The following EBF1 variants were observed in gnomAD, a reference collection of about 807,000 sequenced individuals.
The protein encoded by EBF1 is EBF transcription factor 1.
In EBF1, 10 loss-of-function variants were observed where a neutral mutation model predicts 68.4. The observed-to-expected ratio is 0.15, with a 90% CI of 0.09 to 0.25. The LOEUF is 0.25. Among genes scored for constraint, EBF1 ranks in the 10% least tolerant of loss-of-function variants. The pLI is 1.00. For synonymous variants in EBF1, 298 were observed against 299.8 expected, an observed-to-expected ratio of 0.99 and a Z score of 0.06; for missense variants, 509 against 794.4, an observed-to-expected ratio of 0.64 and a Z score of 4.32.
At chr5:158,920,699 C>T (rs1808225752) in intron 6 of EBF1, among the ~76,000 whole-genome samples, 1 of 152,198 alleles carries the variant, frequency 6.6e-6, no homozygotes, top group Non-Finnish European at 1.5e-5. Flanking sequence ...CCTTCTCAGC[C>T]TCCCAAGTAG....
At chr5:158,879,351 A>C (rs1167378554) in intron 6 of EBF1, among the ~76,000 whole-genome samples, 1 of 152,190 alleles carries the variant, frequency 6.6e-6, no homozygotes, top group Non-Finnish European at 1.5e-5. Flanking sequence ...ATGCGTCAAG[A>C]TGGGTTTGGC....
At chr5:159,084,840 C>T (rs1780360844) in intron 4 of EBF1, 101 bp from the exon 5 acceptor site, 1 of 985,004 alleles carries the variant, frequency 1.0e-6, no homozygotes, top group South Asian at 2.2e-5. Context: ...CTACTGAAGG[C>T]CAAATTAGCT....
intron 6 of EBF1, among the ~76,000 whole-genome samples, chr5:158,952,407 C>A (rs764306517): frequency 4.6e-5 from 7 of 152,064 alleles, no homozygotes; most frequent in Non-Finnish European, 8.8e-5. Flanking sequence ...TACTTTACCT[C>A]GCATCTGAAA....
chr5:159,096,503 A>G, intron 2 of EBF1, 97 bp from the exon 3 acceptor site: 2 of 1,430,646 alleles, frequency 1.4e-6, no homozygotes, highest in Non-Finnish European at 1.9e-6. Context: ...CCAAGCCGGG[A>G]CCCCCGCTGG....
In EBF1 at chr5:158,714,188, AAG is replaced by A. The variant is rs1265163707; in HGVS notation, c.1126-8_1126-7del. ...GCCCTTTTGAGTATTACTTCCTGTC[AAG>A]AGAAAAGCAGATACAATCCTTTGAG... On this transcript the variant is annotated splice_region_variant and splice_polypyrimidine_tract_variant and intron_variant, in intron 11 of 15. Coordinates refer to ENST00000313708, the MANE Select transcript of EBF1 (RefSeq NM_024007.5). 6.2e-7 allele frequency: 1 copy of A among 1,614,064 alleles called. No homozygotes were observed.
intron 8 of EBF1, among the ~76,000 whole-genome samples, chr5:158,810,164 C>G (rs1477847942): frequency 6.6e-6 from 1 of 152,050 alleles, no homozygotes; most frequent in Non-Finnish European, 1.5e-5. Flanking sequence ...AAAGAAAGAC[C>G]AAAGATATAT....
At chr5:158,799,870 A>G (rs549146783) in intron 8 of EBF1, among the ~76,000 whole-genome samples, 1 of 152,148 alleles carries the variant, frequency 6.6e-6, no homozygotes, top group Non-Finnish European at 1.5e-5. Context: ...TCAATCTTTC[A>G]ATGTTGGAAA....
intron 10 of EBF1, among the ~76,000 whole-genome samples, chr5:158,751,066 G>C (rs1004588138): frequency 6.6e-6 from 1 of 152,088 alleles, no homozygotes; most frequent in Non-Finnish European, 1.5e-5. Flanking sequence ...AACTGTGTGT[G>C]TGTAAACACA....
intron 6 of EBF1, among the ~76,000 whole-genome samples, chr5:159,012,948 C>G (rs902240712): frequency 6.6e-6 from 1 of 152,130 alleles, no homozygotes; most frequent in East Asian, 1.9e-4. Flanking sequence ...TGGAAGAAGA[C>G]GGCGTCTACG....
intron 6 of EBF1, among the ~76,000 whole-genome samples, chr5:158,853,597 T>C (rs923562450): frequency 6.6e-6 from 1 of 152,068 alleles, no homozygotes; most frequent in African/African-American, 2.4e-5. Context: ...CATCATACAA[T>C]GCCCTCCAAG....
chr5:159,091,721 C>T (rs189617326), intron 4 of EBF1, among the ~76,000 whole-genome samples: 246 of 152,174 alleles, frequency 1.6e-3, no homozygotes, highest in Admixed American at 3.1e-3. Context: ...CCTTAAAGTA[C>T]GGGGAAGATC....
In EBF1 at chr5:158,902,624, T is replaced by C. The variant is rs957230876; in HGVS notation, c.555-62514A>G. On this transcript the variant is annotated intron_variant, in intron 6 of 15. Transcript: ENST00000313708. ...TTATTATTATTATTATTATTATCAT[T>C]ATTATTATTATTATTAGAGACAAGG... is the stretch of plus-strand genomic sequence containing the variant. Among the ~76,000 whole-genome samples, 3 of 141,812 alleles carry C rather than the reference T, an allele frequency of 2.1e-5. No individual in the cohort carries two copies. The South Asian group carries it at 6.3e-4, about 30-fold the overall frequency. The allele number at this position is 141,812 out of a possible 152,430, so 93.0% of individuals were successfully genotyped here.
intron 6 of EBF1, among the ~76,000 whole-genome samples, chr5:158,891,476 T>C (rs1801173505): frequency 6.6e-6 from 1 of 152,188 alleles, no homozygotes; most frequent in South Asian, 2.1e-4. Flanking sequence ...CTCTCCCCTG[T>C]TATTTCCTTT....
intron 8 of EBF1, among the ~76,000 whole-genome samples, chr5:158,817,657 C>A (rs1170748605): frequency 2.0e-5 from 3 of 152,190 alleles, no homozygotes; most frequent in Non-Finnish European, 4.4e-5. Flanking sequence ...CTCATCTCTT[C>A]GGTTTTGGCA....
At chr5:158,890,939 C>T (rs1352914241) in intron 6 of EBF1, among the ~76,000 whole-genome samples, 1 of 152,134 alleles carries the variant, frequency 6.6e-6, no homozygotes, top group African/African-American at 2.4e-5. Flanking sequence ...GTTTTCTTCC[C>T]CTTGCCTGAA....
At chr5:158,982,620 TCA>T (rs936417694) in intron 6 of EBF1, among the ~76,000 whole-genome samples, 1 of 152,120 alleles carries the variant, frequency 6.6e-6, no homozygotes, top group Non-Finnish European at 1.5e-5. Flanking sequence ...GACAAGGCAT[TCA>T]CAGTCTAATT....
In EBF1 at chr5:158,696,523, A is replaced by C. The variant is rs2127448841; in HGVS notation, c.*2588T>G. 4.4e-6 allele frequency: 1 copy of C among 225,280 alleles called. No homozygotes were observed. The highest frequency in any genetic ancestry group is 2.2e-5 in the African/African-American group (1 of 44,974). 14.0% of individuals were successfully genotyped at this position (225,280 alleles called of 1,614,324 possible). On this transcript the variant is annotated 3_prime_UTR_variant, in exon 16 of 16. Transcript: ENST00000313708. ...AACAGTTAAGGGGCTCACCAGATAA[A>C]ATATGGCTTTAACTTGTGTACATCT... is the stretch of plus-strand genomic sequence containing the variant.
At chr5:158,899,279 A>G (rs1802794077) in intron 6 of EBF1, among the ~76,000 whole-genome samples, 1 of 152,240 alleles carries the variant, frequency 6.6e-6, no homozygotes, top group Admixed American at 6.5e-5. Flanking sequence ...AAACCATCCT[A>G]GATGTCTAAT....
At chr5:158,883,422 GTATA>G (rs34191014) in intron 6 of EBF1, among the ~76,000 whole-genome samples, 1 of 144,170 alleles carries the variant, frequency 6.9e-6, no homozygotes, top group Non-Finnish European at 1.5e-5. Flanking sequence ...ACATACATAC[GTATA>G]TATATATATA....
Sources: gnomAD v4.1 joint callset for allele counts (sites outside exome capture counted in the v4.1 genomes callset) on GRCh38, gnomAD v4.1.1 for gene constraint, MANE v1.5 for transcripts, NCBI Gene and HGNC (gene_info 2026-07-23, HGNC 2026-07-21) for gene names.